SDK1: variants seen among roughly 807,000 people sequenced by gnomAD.
The protein encoded by SDK1 is sidekick cell adhesion molecule 1, also known as protein sidekick-1.
SDK1 carries 157 observed loss-of-function variants against 245.5 expected under a neutral mutation model. The ratio of observed to expected loss-of-function variants is 0.64; its 90% CI spans 0.56 to 0.73. SDK1 has a LOEUF of 0.73. Among genes scored for constraint, SDK1 ranks in the 30% least tolerant of loss-of-function variants. The probability of loss-of-function intolerance (pLI) is 0.00; values close to 1 mark genes in which losing one functional copy is unlikely to be tolerated. For missense variants in SDK1, 3,583 were observed against 3,002.3 expected (o/e 1.19, Z -4.52); for synonymous variants, 1,647 against 1,278.5 (o/e 1.29, Z -6.15).
At chr7:3,408,063 A>G (rs1438689940) in intron 1 of SDK1, among the ~76,000 whole-genome samples, 2 of 151,910 alleles carry the variant, frequency 1.3e-5, no homozygotes, top group Non-Finnish European at 2.9e-5. Flanking sequence ...TTTTTGAAGT[A>G]GAGTCTTGCT....
At chr7:3,541,438 C>G (rs1056965486) in intron 1 of SDK1, among the ~76,000 whole-genome samples, 2 of 152,168 alleles carry the variant, frequency 1.3e-5, no homozygotes, top group Non-Finnish European at 2.9e-5. Context: ...GTGTGTTTGC[C>G]TCTGCCTGTA....
At chr7:4,065,038 A>C (rs1056931902) in intron 19 of SDK1, among the ~76,000 whole-genome samples, 3 of 152,208 alleles carry the variant, frequency 2.0e-5, no homozygotes, top group African/African-American at 7.2e-5. Flanking sequence ...TGTATATTTC[A>C]AAATACCAAG....
chr7:3,757,994 C>T (rs939874079), intron 4 of SDK1, among the ~76,000 whole-genome samples: 2 of 152,148 alleles, frequency 1.3e-5, no homozygotes, highest in Non-Finnish European at 2.9e-5. Context: ...GTTTTAGTAG[C>T]TCTGTGCCAG....
intron 1 of SDK1, among the ~76,000 whole-genome samples, chr7:3,540,799 A>G (rs1377557303): frequency 6.6e-6 from 1 of 152,232 alleles, no homozygotes; most frequent in Non-Finnish European, 1.5e-5. Flanking sequence ...GTTGAAAGCC[A>G]TCATTCGTAT....
intron 44 of SDK1, among the ~76,000 whole-genome samples, chr7:4,262,162 C>T (rs562741953): frequency 1.2e-4 from 18 of 150,294 alleles, no homozygotes; most frequent in Non-Finnish European, 2.5e-4. Flanking sequence ...CCTCAGCCTC[C>T]CAAGTAGCTG....
intron 1 of SDK1, among the ~76,000 whole-genome samples, chr7:3,383,062 G>A (rs1781529346): frequency 6.6e-6 from 1 of 152,082 alleles, no homozygotes; most frequent in Admixed American, 6.5e-5. Context: ...ATAAAATGTT[G>A]TCTTGAATTC....
chr7:4,183,933 G>T (rs1584393604), intron 35 of SDK1, among the ~76,000 whole-genome samples: 1 of 152,200 alleles, frequency 6.6e-6, no homozygotes, highest in East Asian at 1.9e-4. Flanking sequence ...GCCAGGCCTG[G>T]CAGTGCCAAC....
chr7:3,393,095 T>C (rs557499312), intron 1 of SDK1, among the ~76,000 whole-genome samples: 18 of 150,544 alleles, frequency 1.2e-4, no homozygotes, highest in African/African-American at 4.4e-4. Flanking sequence ...CTCAGTCTCC[T>C]GAGTAGCTGA....
chr7:3,567,188 C>T (rs1401287845), intron 1 of SDK1, among the ~76,000 whole-genome samples: 2 of 152,170 alleles, frequency 1.3e-5, no homozygotes, highest in Non-Finnish European at 2.9e-5. Flanking sequence ...GGTCACTTTT[C>T]GTGTTATCTA....
At chr7:3,430,196 C>G (rs147737363) in intron 1 of SDK1, among the ~76,000 whole-genome samples, 35 of 152,234 alleles carry the variant, frequency 2.3e-4, no homozygotes, top group African/African-American at 8.2e-4. Context: ...GCCGTTTCAG[C>G]GAGTCACTTC....
At chr7:4,072,900 G>A (rs547461301) in intron 20 of SDK1, among the ~76,000 whole-genome samples, 44 of 152,352 alleles carry the variant, frequency 2.9e-4, no homozygotes, top group Non-Finnish European at 4.6e-4. Flanking sequence ...GGGGGCGGCT[G>A]CGCCTGCCCG....
chr7:3,367,295 G>C (rs925223340), intron 1 of SDK1, among the ~76,000 whole-genome samples: 1 of 152,102 alleles, frequency 6.6e-6, no homozygotes, highest in Non-Finnish European at 1.5e-5. Context: ...GGATGGAATA[G>C]AAAAGTTAGG....
chr7:3,530,007 T>G (rs1396861604), intron 1 of SDK1, among the ~76,000 whole-genome samples: 1 of 152,148 alleles, frequency 6.6e-6, no homozygotes, highest in Non-Finnish European at 1.5e-5. Flanking sequence ...AAGTCTGTAT[T>G]TAAGAGTATT....
At chr7:3,528,708 A>G (rs1328949414) in intron 1 of SDK1, among the ~76,000 whole-genome samples, 1 of 152,122 alleles carries the variant, frequency 6.6e-6, no homozygotes, top group Non-Finnish European at 1.5e-5. Flanking sequence ...TTGAAGGCGT[A>G]ATACACAGGA....
chr7:3,770,003 G>A (rs1252105080), intron 4 of SDK1, among the ~76,000 whole-genome samples: 1 of 151,090 alleles, frequency 6.6e-6, no homozygotes, highest in Non-Finnish European at 1.5e-5. Context: ...ACATGTGTAA[G>A]TTCACATATC....
intron 1 of SDK1, among the ~76,000 whole-genome samples, chr7:3,538,487 A>G (rs753999762): frequency 3.9e-5 from 6 of 152,194 alleles, no homozygotes; most frequent in Admixed American, 1.3e-4. Flanking sequence ...CCGTGAATCA[A>G]TGTCATTTCG....
At chr7:3,662,041 A>ATTTTTTTTTTTTTT (rs572659449) in intron 4 of SDK1, among the ~76,000 whole-genome samples, 3 of 125,776 alleles carry the variant, frequency 2.4e-5, no homozygotes, top group African/African-American at 3.2e-5. Flanking sequence ...CAACGGTTGT[A>ATTTTTTTTTTTTTT]TTTTTTTTTT....
intron 19 of SDK1, among the ~76,000 whole-genome samples, chr7:4,059,146 T>TAAAAAC (rs112774955): frequency 2.0e-5 from 3 of 151,896 alleles, no homozygotes; most frequent in Non-Finnish European, 4.4e-5. Flanking sequence ...GCTGAATGGA[T>TAAAAAC]AAAAACAAAA....
chr7:4,217,928 GA>G (rs1050700543), intron 38 of SDK1, among the ~76,000 whole-genome samples: 3 of 151,224 alleles, frequency 2.0e-5, no homozygotes, highest in South Asian at 2.1e-4. Context: ...TTTTAACAAT[GA>G]AAAAAAAAGT....
Sources: allele counts gnomAD v4.1 joint callset (sites outside exome capture counted in the v4.1 genomes callset), GRCh38; gene constraint gnomAD v4.1.1; transcripts MANE v1.5; gene names NCBI Gene and HGNC (gene_info 2026-07-23, HGNC 2026-07-21).